The following TRPA1 variants were observed in gnomAD, a reference collection of about 807,000 sequenced individuals.
TRPA1 encodes the protein ankyrin-like with transmembrane domains 1.
In TRPA1, 129 loss-of-function variants were observed where a neutral mutation model predicts 131.3. That is an observed-to-expected ratio of 0.98 (90% CI 0.85 to 1.14). The LOEUF is 1.14. TRPA1 is among the 50% of genes most tolerant of loss of function. The pLI is 0.00. For synonymous variants in TRPA1, 441 were observed against 451.7 expected (o/e 0.98, Z 0.30); for missense variants, 1,304 against 1,354.2 (o/e 0.96, Z 0.58).
intron 21 of TRPA1, 58 bp from the exon 22 acceptor site, chr8:72,034,435 A>G: frequency 8.6e-7 from 1 of 1,164,204 alleles, no homozygotes; most frequent in Non-Finnish European, 1.2e-6. Context: ...GTATTCATTC[A>G]GTGACAATAT....
upstream of TRPA1, among the ~76,000 whole-genome samples, chr8:72,077,550 G>T (rs1031265230): frequency 6.6e-6 from 1 of 152,116 alleles, no homozygotes; most frequent in Non-Finnish European, 1.5e-5. Context: ...GCTTATAAAA[G>T]CAAATAGATT....
At chr8:72,053,010 AGAGAG>A (rs1805562474) in intron 13 of TRPA1, 5 of 79,064 alleles carry the variant, frequency 6.3e-5, no homozygotes, top group Non-Finnish European at 1.0e-4. Context: ...ATAGAGAAAG[AGAGAG>A]AGAGAGAGAG....
chr8:72,059,939 A>C (rs75470088), intron 7 of TRPA1, among the ~76,000 whole-genome samples: 1,787 of 152,274 alleles, frequency 0.012, 18 homozygotes, highest in Non-Finnish European at 0.018. Context: ...AGAACTGAAA[A>C]CATTTTGGTA....
intron 7 of TRPA1, among the ~76,000 whole-genome samples, chr8:72,061,272 A>T (rs1174624248): frequency 6.6e-6 from 1 of 152,180 alleles, no homozygotes; most frequent in African/African-American, 2.4e-5. Context: ...TTTTATCACT[A>T]AAAATGGGGA....
intron 19 of TRPA1, among the ~76,000 whole-genome samples, 163 bp from the exon 20 acceptor site, chr8:72,038,235 T>C (rs779910588): frequency 7.2e-5 from 11 of 151,878 alleles, no homozygotes; most frequent in Non-Finnish European, 1.5e-4. Context: ...CCAATACTCA[T>C]ATAATTTACT....
chr8:72,069,025 T>A lies in TRPA1; in HGVS notation c.442A>T (p.Lys148Ter), dbSNP rs768415976. Residue 148 changes from lysine (K) to a stop codon, truncating the protein, a stop_gained and splice_region_variant, in exon 3 of 27, where the codon AAG becomes TAG. Coordinates refer to ENST00000262209, the MANE Select transcript of TRPA1 (RefSeq NM_007332.3). LOFTEE classifies it high-confidence loss of function. The part of the protein sequence containing the change: ...AVQGMNNEVM[K>*]VLLEHRTIDV... ...TTGGAGCCGGCCAGTAGCCTTACCT[T>A]CATCACCTCATTATTCATGCCCTGC... The A allele has an allele frequency of 6.2e-7, 1 of 1,614,198 alleles. No individual in the cohort carries two copies. Among genetic ancestry groups the A allele is most frequent in the East Asian group, 2.2e-5 (1 of 44,878 alleles).
At chr8:72,036,226 T>C (rs1218037995) in intron 21 of TRPA1, 62 bp downstream of exon 21, 46 of 1,548,496 alleles carry the variant, frequency 3.0e-5, no homozygotes, top group Non-Finnish European at 3.9e-5. Context: ...CCAGGTACAA[T>C]AGTTTTTCTT....
At chr8:72,087,650 T>A in the TRPA1 span, among the ~76,000 whole-genome samples, 1 of 111,806 alleles carries the variant, frequency 8.9e-6, no homozygotes, top group Non-Finnish European at 2.0e-5. Flanking sequence ...ATATATATAT[T>A]TTAATTGCAT....
chr8:72,050,080 C>T (rs1355336348), intron 15 of TRPA1, among the ~76,000 whole-genome samples: 3 of 152,094 alleles, frequency 2.0e-5, no homozygotes, highest in Non-Finnish European at 2.9e-5. Flanking sequence ...TATCCTAATG[C>T]TATCACTCCC....
At chr8:72,070,315 A>G (rs994059647) in intron 2 of TRPA1, among the ~76,000 whole-genome samples, 9 of 151,976 alleles carry the variant, frequency 5.9e-5, no homozygotes, top group African/African-American at 1.9e-4. Context: ...TAAGTGTTTC[A>G]TTCTAAACAA....
chr8:72,045,264 T>C (rs779128085), intron 17 of TRPA1, among the ~76,000 whole-genome samples: 52 of 151,896 alleles, frequency 3.4e-4, no homozygotes, highest in Non-Finnish European at 1.3e-4. Flanking sequence ...CAGTAAGCCT[T>C]GTAGGTTTAA....
intron 26 of TRPA1, 60 bp from the exon 27 acceptor site, chr8:72,023,176 T>C: frequency 7.3e-7 from 1 of 1,377,116 alleles, no homozygotes; most frequent in Admixed American, 1.9e-5. Flanking sequence ...CCCTTCTGAA[T>C]GTAGGAAGGC....
the TRPA1 span, among the ~76,000 whole-genome samples, chr8:72,089,049 G>T: frequency 6.6e-6 from 1 of 152,054 alleles, no homozygotes; most frequent in Non-Finnish European, 1.5e-5. Context: ...TCAAATTTTA[G>T]AATAAAATAA....
intron 8 of TRPA1, among the ~76,000 whole-genome samples, chr8:72,058,681 T>A (rs1317613627): frequency 6.6e-6 from 1 of 152,188 alleles, no homozygotes; most frequent in East Asian, 1.9e-4. Context: ...TGGCATATAA[T>A]GCATAGTTTA....
intron 16 of TRPA1, 92 bp downstream of exon 16, chr8:72,047,056 T>C (rs1805347549): frequency 1.0e-6 from 1 of 967,390 alleles, no homozygotes; most frequent in Non-Finnish European, 1.6e-6. Context: ...CCATCTGCAG[T>C]AGATTACAGA....
At chr8:72,080,497 G>C (rs1806268341), upstream of TRPA1, among the ~76,000 whole-genome samples, 1 of 151,606 alleles carries the variant, frequency 6.6e-6, no homozygotes, top group African/African-American at 2.4e-5. Context: ...AAAGATTTCT[G>C]TGTTTAGGCT....
chr8:72,050,874 G>T lies in TRPA1; in HGVS notation c.1812-3C>A. On this transcript the variant is annotated splice_polypyrimidine_tract_variant and splice_region_variant and intron_variant, in intron 14 of 26. Coordinates refer to ENST00000262209, the MANE Select transcript of TRPA1 (RefSeq NM_007332.3). ...AAATCTTAAGACATTCATCCCATCT[G>T]TAAAAAATAAATAAGTAAGATAAGC... The T allele has an allele frequency of 6.3e-7, 1 of 1,591,530 alleles. No individual in the cohort carries two copies. The highest frequency in any genetic ancestry group is 8.6e-7 in the Non-Finnish European group (1 of 1,161,988).
Position 72,050,668 on chromosome 8 carries a change from T to G in TRPA1, c.1905+110A>C, listed in dbSNP as rs182506062. On this transcript the variant is annotated intron_variant, in intron 15 of 26. Coordinates refer to ENST00000262209, the MANE Select transcript of TRPA1 (RefSeq NM_007332.3). ...ATTGTCTCATTTCCCTTACAGCCTA[T>G]GGAAAATGAGAAGCTTTGTTTAAAG... 332 of 779,222 alleles carry G rather than the reference T, an allele frequency of 4.3e-4. 1 individual carries two copies. In the African/African-American group the frequency reaches 4.9e-3, roughly 12 times the overall value. The allele number at this position is 779,222 out of a possible 1,614,324, so 48.3% of individuals were successfully genotyped here. A position where few individuals can be genotyped will look rare whatever the true frequency, so the allele number is the denominator to read the frequency against.
At chr8:72,086,732 A>G in the TRPA1 span, among the ~76,000 whole-genome samples, 12 of 152,314 alleles carry the variant, frequency 7.9e-5, 1 homozygote, top group Middle Eastern at 0.01. Flanking sequence ...GCAACTCAAT[A>G]AAGATTTTCT....
Sources: gnomAD v4.1 joint callset for allele counts (sites outside exome capture counted in the v4.1 genomes callset) on GRCh38, gnomAD v4.1.1 for gene constraint, MANE v1.5 for transcripts, NCBI Gene and HGNC (gene_info 2026-07-23, HGNC 2026-07-21) for gene names.